The following FHDC1 variants were observed in gnomAD, a reference collection of about 807,000 sequenced individuals.
FHDC1 encodes the protein FH2 domain-containing protein 1.
FHDC1 carries 25 observed loss-of-function variants against 52.6 expected under a neutral mutation model. The ratio of observed to expected loss-of-function variants is 0.48; its 90% CI spans 0.35 to 0.66. The LOEUF (loss-of-function observed/expected upper bound fraction) is 0.66. FHDC1 is among the 30% of genes least tolerant of loss of function. The pLI is 0.01. For missense variants in FHDC1, 1,459 were observed against 1,452.8 expected (o/e 1.00, Z -0.07); for synonymous variants, 616 against 581.5 (o/e 1.06, Z -0.85).
chr4:152,925,289 C>T, the FHDC1 span, among the ~76,000 whole-genome samples: 339 of 152,210 alleles, frequency 2.2e-3, 2 homozygotes, highest in African/African-American at 7.6e-3. Context: ...CACATAAATG[C>T]GTAGATGTAT....
Position 152,974,845 on chromosome 4 carries a change from C to G in FHDC1, c.1554C>G (p.Phe518Leu). 6.2e-7 allele frequency: 1 copy of G among 1,600,658 alleles called. No homozygotes were observed. The highest frequency in any genetic ancestry group is 1.1e-5 in the South Asian group (1 of 90,050). ...TKKGAEGLLP[F>L]LHPRPISPSS... ...AGGGTGCAGAGGGCCTGCTCCCTTT[C>G]CTGCACCCCAGGCCCATCAGCCCCT... Residue 518 changes from phenylalanine to leucine, a missense_variant, in exon 12 of 12, where the codon TTC becomes TTG. By Grantham distance (22) the Phe-to-Leu change is conservative. Coordinates refer to ENST00000511601, the MANE Select transcript of FHDC1 (RefSeq NM_001371116.1).
At chr4:152,939,696 T>C (rs1739523047) in intron 1 of FHDC1, among the ~76,000 whole-genome samples, 1 of 152,224 alleles carries the variant, frequency 6.6e-6, no homozygotes, top group South Asian at 2.1e-4. Flanking sequence ...TGATGGGTCA[T>C]GAGTAGCACT....
the FHDC1 span, chr4:152,918,549 T>A: frequency 6.6e-6 from 1 of 152,226 alleles, no homozygotes; most frequent in Non-Finnish European, 1.5e-5. Flanking sequence ...CTAAAAGAAG[T>A]GGAGGATCAA....
intron 9 of FHDC1, among the ~76,000 whole-genome samples, chr4:152,966,175 G>A (rs1264181944): frequency 2.0e-5 from 3 of 152,164 alleles, no homozygotes; most frequent in African/African-American, 7.2e-5. Context: ...TTATATTTTT[G>A]AAATGGCGTT....
At chr4:152,974,600 T>TAGCGTAGGTGGCTCTGGAACTGCAC in intron 11 of FHDC1, 75 bp from the exon 12 acceptor site, 1 of 1,481,072 alleles carries the variant, frequency 6.8e-7, no homozygotes, top group African/African-American at 1.4e-5. Context: ...CTTTGGCTCT[T>TAGCGTAGGTGGCTCTGGAACTGCAC]AGCGTAGGTG....
chr4:152,956,930 C>CGGGTATCTG (rs1298129220), intron 4 of FHDC1, among the ~76,000 whole-genome samples: 101 of 152,226 alleles, frequency 6.6e-4, no homozygotes, highest in African/African-American at 2.2e-3. Flanking sequence ...TAAACCCTCC[C>CGGGTATCTG]GGGTATCTGT....
the FHDC1 span, among the ~76,000 whole-genome samples, chr4:152,913,580 T>C: frequency 5.9e-5 from 9 of 152,240 alleles, no homozygotes; most frequent in Non-Finnish European, 1.2e-4. Context: ...CTATTTGCAA[T>C]AGTCCTAAAT....
intron 10 of FHDC1, among the ~76,000 whole-genome samples, chr4:152,968,603 T>A (rs1407961177): frequency 6.6e-6 from 1 of 152,192 alleles, no homozygotes; most frequent in East Asian, 1.9e-4. Flanking sequence ...GTGCTGGGAT[T>A]ACAGGTGTGA....
In FHDC1 at chr4:152,975,857, A is replaced by C; in HGVS notation, c.2566A>C (p.Arg856=). 6.6e-7 allele frequency: 1 copy of C among 1,514,122 alleles called. No homozygotes were observed. Among genetic ancestry groups the C allele is most frequent in the Non-Finnish European group, 8.8e-7 (1 of 1,132,388 alleles). 93.8% of individuals were successfully genotyped at this position (1,514,122 alleles called of 1,614,324 possible). A position where few individuals can be genotyped will look rare whatever the true frequency, so the allele number is the denominator to read the frequency against. ...GGLPRDKPTK[R]KDVVAPKRGS... ...CCTGCCCAGGGACAAACCCACCAAA[A>C]GGAAAGATGTTGTAGCACCAAAGAG... is the stretch of plus-strand genomic sequence containing the variant. Residue 856 remains arginine, a synonymous_variant, in exon 12 of 12, where the codon AGG becomes CGG. Transcript: ENST00000511601.
chr4:152,975,865 T>C lies in FHDC1; in HGVS notation c.2574T>C (p.Asp858=), dbSNP rs2149963656. Residue 858 remains aspartate (D), a synonymous_variant, in exon 12 of 12, where the codon GAT becomes GAC. Coordinates refer to ENST00000511601, the MANE Select transcript of FHDC1 (RefSeq NM_001371116.1). ...GGGACAAACCCACCAAAAGGAAAGA[T>C]GTTGTAGCACCAAAGAGAGGCTCCC... ...LPRDKPTKRK[D]VVAPKRGSLK... 1 of 1,514,644 alleles carries C rather than the reference T, an allele frequency of 6.6e-7. No individual in the cohort carries two copies. Among genetic ancestry groups the C allele is most frequent in the Non-Finnish European group, 8.8e-7 (1 of 1,133,002 alleles). The allele number at this position is 1,514,644 out of a possible 1,614,324, so 93.8% of individuals were successfully genotyped here.
chr4:152,949,991 AGAGGAGTAATTACCG>A (rs1739874289), intron 2 of FHDC1, among the ~76,000 whole-genome samples: 1 of 152,148 alleles, frequency 6.6e-6, no homozygotes, highest in Non-Finnish European at 1.5e-5. Flanking sequence ...TGGTGTGACC[AGAGGAGTAATTACCG>A]GTTGATCGGA....
intron 9 of FHDC1, among the ~76,000 whole-genome samples, chr4:152,966,837 G>A (rs551727207): frequency 3.9e-5 from 6 of 152,184 alleles, no homozygotes; most frequent in Non-Finnish European, 8.8e-5. Flanking sequence ...TGCAGAATTA[G>A]GGCTGGCTGT....
the FHDC1 span, among the ~76,000 whole-genome samples, chr4:152,923,992 C>A: frequency 2.6e-5 from 4 of 151,892 alleles, no homozygotes; most frequent in South Asian, 6.2e-4. Flanking sequence ...GCAACAAAAG[C>A]CAAAATTGAC....
At chr4:152,924,820 TG>T in the FHDC1 span, among the ~76,000 whole-genome samples, 1 of 125,012 alleles carries the variant, frequency 8.0e-6, no homozygotes, top group East Asian at 2.4e-4. Context: ...TGAGAACACA[TG>T]GGACACAGGA....
rs3076048 is a variant in FHDC1, at chr4:152,947,810, AAGAGAGAG to A, written c.498+4273_498+4280del. The stretch of plus-strand genomic sequence containing the variant: ...GCTAATTAGAAAAAGAAGACCACAG[AAGAGAGAG>A]AGAGAGAGAGAGAGAGAAGGGAAGG... On this transcript the variant is annotated intron_variant, in intron 2 of 11. Transcript: ENST00000511601. Among the ~76,000 whole-genome samples, 812 of 150,112 alleles carry A rather than the reference AAGAGAGAG, an allele frequency of 5.4e-3. 9 individuals are homozygous for A. The highest frequency in any genetic ancestry group is 0.019 in the African/African-American group (778 of 40,952).
At chr4:152,965,028 G>A in intron 9 of FHDC1, 53 bp downstream of exon 9, 1 of 1,491,286 alleles carries the variant, frequency 6.7e-7, no homozygotes, top group Non-Finnish European at 9.2e-7. Flanking sequence ...TATGAAAACT[G>A]ATAAATAGTT....
chr4:152,918,087 T>C, the FHDC1 span, among the ~76,000 whole-genome samples: 4 of 152,338 alleles, frequency 2.6e-5, no homozygotes, highest in African/African-American at 7.2e-5. Context: ...TTAAAAAATA[T>C]ATAATGACAT....
intron 2 of FHDC1, among the ~76,000 whole-genome samples, chr4:152,945,746 T>C (rs1260993514): frequency 6.6e-6 from 1 of 152,234 alleles, no homozygotes; most frequent in Non-Finnish European, 1.5e-5. Flanking sequence ...TGTGAACCAC[T>C]GCGCCTGGCC....
intron 9 of FHDC1, 93 bp from the exon 10 acceptor site, chr4:152,967,887 C>G (rs1379996862): frequency 1.1e-6 from 1 of 881,088 alleles, no homozygotes; most frequent in Non-Finnish European, 1.8e-6. Flanking sequence ...CCTTCTGTTT[C>G]CAAGGTTGAA....
Sources: gnomAD v4.1 joint callset for allele counts (sites outside exome capture counted in the v4.1 genomes callset) on GRCh38, gnomAD v4.1.1 for gene constraint, MANE v1.5 for transcripts, NCBI Gene and HGNC (gene_info 2026-07-23, HGNC 2026-07-21) for gene names.